Variants in APBB2 observed in about 807,000 individuals in gnomAD.
The protein encoded by APBB2 is amyloid beta precursor protein binding family B member 2.
In APBB2, 38 loss-of-function variants were observed where a neutral mutation model predicts 82.5. That is an observed-to-expected ratio of 0.46 (90% CI 0.36 to 0.60). The LOEUF is 0.60. Ranked by LOEUF, APBB2 falls within the 20% of genes least tolerant of loss-of-function variation. APBB2 has a pLI of 0.00. For missense variants in APBB2, 772 were observed against 972.3 expected (o/e 0.79, Z 2.74); for synonymous variants, 341 against 368.2 (o/e 0.93, Z 0.85).
At chr4:41,025,523 T>C (rs1279993118) in intron 5 of APBB2, among the ~76,000 whole-genome samples, 2 of 151,940 alleles carry the variant, frequency 1.3e-5, no homozygotes, top group African/African-American at 4.8e-5. Context: ...CTCAGAGGAA[T>C]ATAAATCATA....
At chr4:40,960,149 G>T (rs557071228) in intron 6 of APBB2, among the ~76,000 whole-genome samples, 1 of 152,228 alleles carries the variant, frequency 6.6e-6, no homozygotes, top group East Asian at 1.9e-4. Context: ...TTAGACTATG[G>T]ATGGGGAGGA....
chr4:40,858,368 T>C (rs555735385), intron 12 of APBB2, among the ~76,000 whole-genome samples: 1 of 147,344 alleles, frequency 6.8e-6, no homozygotes, highest in Non-Finnish European at 1.5e-5. Flanking sequence ...GGCAGGAGAA[T>C]TGCTTGAACC....
At chr4:41,055,124 C>T (rs1579614508) in intron 4 of APBB2, among the ~76,000 whole-genome samples, 1 of 152,320 alleles carries the variant, frequency 6.6e-6, no homozygotes, top group East Asian at 1.9e-4. Flanking sequence ...ACAGTCCATA[C>T]CCCTTGGTCT....
At chr4:41,125,240 T>C (rs550669993) in intron 2 of APBB2, among the ~76,000 whole-genome samples, 98 of 152,350 alleles carry the variant, frequency 6.4e-4, no homozygotes, top group Admixed American at 1.3e-3. Context: ...TCAATTATAA[T>C]AGTCTCATTC....
At chr4:40,856,639 C>T (rs1761274839) in intron 12 of APBB2, among the ~76,000 whole-genome samples, 2 of 152,234 alleles carry the variant, frequency 1.3e-5, no homozygotes, top group Non-Finnish European at 2.9e-5. Context: ...CCAGGGGGCA[C>T]GTGAGGCGAA....
chr4:40,874,251 T>C (rs1433513313), intron 12 of APBB2, among the ~76,000 whole-genome samples: 1 of 152,220 alleles, frequency 6.6e-6, no homozygotes, highest in Admixed American at 6.5e-5. Flanking sequence ...AACTATACTA[T>C]TTTCCCTGTT....
At chr4:41,093,358 C>G (rs370106493) in intron 3 of APBB2, among the ~76,000 whole-genome samples, 55 of 152,286 alleles carry the variant, frequency 3.6e-4, no homozygotes, top group African/African-American at 1.2e-3. Context: ...TAGGCTATAA[C>G]GCTGAAGTGC....
At chr4:40,980,364 C>A (rs1798169221) in intron 6 of APBB2, among the ~76,000 whole-genome samples, 1 of 152,178 alleles carries the variant, frequency 6.6e-6, no homozygotes, top group Non-Finnish European at 1.5e-5. Flanking sequence ...TCATGCATTT[C>A]TGGAAAGGAT....
intron 1 of APBB2, among the ~76,000 whole-genome samples, chr4:41,150,108 C>T (rs574271821): frequency 1.3e-5 from 2 of 152,306 alleles, no homozygotes; most frequent in South Asian, 4.1e-4. Flanking sequence ...CCAGATGATG[C>T]TAATACAGCC....
intron 5 of APBB2, among the ~76,000 whole-genome samples, chr4:41,023,536 C>A (rs1335478609): frequency 6.6e-6 from 1 of 152,112 alleles, no homozygotes; most frequent in Admixed American, 6.6e-5. Flanking sequence ...TATCCACCAA[C>A]AACAGCCAAG....
At chr4:41,010,177 C>T (rs186856926) in intron 6 of APBB2, among the ~76,000 whole-genome samples, 45 of 152,184 alleles carry the variant, frequency 3.0e-4, no homozygotes, top group African/African-American at 1.1e-3. Flanking sequence ...TGCAGAGATC[C>T]CAAGTGAACA....
chr4:41,166,722 C>A (rs901280472), intron 1 of APBB2, among the ~76,000 whole-genome samples: 3 of 151,952 alleles, frequency 2.0e-5, no homozygotes, highest in African/African-American at 7.3e-5. Context: ...ATGGTGAAAC[C>A]CTGTCTCTAC....
At chr4:41,126,074 G>A (rs1379931028) in intron 2 of APBB2, among the ~76,000 whole-genome samples, 1 of 152,090 alleles carries the variant, frequency 6.6e-6, no homozygotes, top group Non-Finnish European at 1.5e-5. Flanking sequence ...AAGGTATGCA[G>A]CTTCCAACAA....
At position 40,827,147 on chromosome 4, in the gene APBB2, C is replaced by G. The variant is rs373755605; in HGVS notation, c.1717G>C (p.Asp573His). 2 of 1,614,104 alleles carry G rather than the reference C, an allele frequency of 1.2e-6. No individual in the cohort carries two copies. Among genetic ancestry groups the G allele is most frequent in the South Asian group, 2.2e-5 (2 of 91,070 alleles). Residue 573 changes from aspartate to histidine, a missense_variant, in exon 14 of 18, where the codon GAT becomes CAT. By Grantham distance (81) the Asp-to-His change is moderately conservative. Coordinates refer to ENST00000508593, the MANE Select transcript of APBB2 (RefSeq NM_004307.2). ...SLQERANVNL[D>H]VPLQVDFPTP... ...ACTGACTTACCTTGCAAAGGGACAT[C>G]GAGGTTCACATTGGCCCTTTCCTGT... is the stretch of plus-strand genomic sequence containing the variant.
intron 3 of APBB2, among the ~76,000 whole-genome samples, chr4:41,083,783 T>C (rs1345943691): frequency 6.6e-6 from 1 of 151,768 alleles, no homozygotes; most frequent in Non-Finnish European, 1.5e-5. Flanking sequence ...ACAGTAATTA[T>C]TACAGTGATC....
intron 6 of APBB2, among the ~76,000 whole-genome samples, chr4:40,947,995 T>A (rs528271187): frequency 1.1e-4 from 17 of 152,232 alleles, no homozygotes; most frequent in Non-Finnish European, 1.9e-4. Flanking sequence ...AGAAATCAGT[T>A]CTATGCGATT....
intron 4 of APBB2, among the ~76,000 whole-genome samples, chr4:41,043,634 G>T (rs1722321917): frequency 6.6e-6 from 1 of 152,122 alleles, no homozygotes; most frequent in African/African-American, 2.4e-5. Context: ...GCTTTTGCTT[G>T]TTACCCTAGA....
intron 6 of APBB2, among the ~76,000 whole-genome samples, chr4:41,013,379 T>C (rs911332301): frequency 8.5e-5 from 13 of 152,202 alleles, no homozygotes; most frequent in Non-Finnish European, 1.5e-4. Context: ...AACAACTTTA[T>C]GCACGATCCA....
At chr4:40,950,397 C>A (rs964345098) in intron 6 of APBB2, among the ~76,000 whole-genome samples, 1 of 152,190 alleles carries the variant, frequency 6.6e-6, no homozygotes, top group South Asian at 2.1e-4. Flanking sequence ...AACCTTGAAA[C>A]AACCTAGACA....
Sources: allele counts gnomAD v4.1 joint callset (sites outside exome capture counted in the v4.1 genomes callset), GRCh38; gene constraint gnomAD v4.1.1; transcripts MANE v1.5; gene names NCBI Gene and HGNC (gene_info 2026-07-23, HGNC 2026-07-21).